DLG2: variants seen among roughly 807,000 people sequenced by gnomAD.
DLG2 encodes the protein discs large MAGUK scaffold protein 2, also known as disks large homolog 2.
In DLG2, 45 loss-of-function variants were observed where a neutral mutation model predicts 132.5. The ratio of observed to expected loss-of-function variants is 0.34; its 90% CI spans 0.27 to 0.44. The LOEUF is 0.44. Ranked by LOEUF, DLG2 falls within the 20% of genes least tolerant of loss-of-function variation. DLG2 has a pLI of 1.00. For synonymous variants in DLG2, 424 were observed against 419.6 expected (o/e 1.01, Z -0.13); for missense variants, 1,045 against 1,196.9 (o/e 0.87, Z 1.87).
At chr11:84,659,933 C>G (rs1280121707) in intron 6 of DLG2, among the ~76,000 whole-genome samples, 3 of 152,100 alleles carry the variant, frequency 2.0e-5, no homozygotes, top group Non-Finnish European at 4.4e-5. Context: ...GAAGAGGTGC[C>G]AAACATGGGG....
intron 6 of DLG2, among the ~76,000 whole-genome samples, chr11:84,928,990 A>G (rs866459838): frequency 0.19 from 15,015 of 79,464 alleles, 1,226 homozygotes; most frequent in East Asian, 0.33. Flanking sequence ...GTGTATATAT[A>G]TATATATATA....
In DLG2 at chr11:84,777,281, GTATATATATATATATATATA is replaced by G. The variant is rs71036441; in HGVS notation, c.358-242570_358-242551del. Among the ~76,000 whole-genome samples, 79 of 95,016 alleles carry G rather than the reference GTATATATATATATATATATA, an allele frequency of 8.3e-4. 2 individuals are homozygous for G. Among genetic ancestry groups the G allele is most frequent in the South Asian group, 2.9e-3 (7 of 2,388 alleles). The allele number at this position is 95,016 out of a possible 152,430, so 62.3% of individuals were successfully genotyped here. On this transcript the variant is annotated intron_variant, in intron 6 of 27. Coordinates refer to ENST00000376104, the MANE Select transcript of DLG2 (RefSeq NM_001142699.3). ...TGTGTGTGTATGTATATGTGTGTGTGTATATATATATATATATATATATATATATATATATATATATATAC... is the reference window on the plus strand; with the variant it reads ...TGTGTGTGTATGTATATGTGTGTGTGTATATATATATATATATATATATAC...
At chr11:85,368,896 A>G (rs2084758089) in intron 3 of DLG2, among the ~76,000 whole-genome samples, 1 of 152,182 alleles carries the variant, frequency 6.6e-6, no homozygotes, top group Non-Finnish European at 1.5e-5. Context: ...TCCTGTGTGG[A>G]GCCTGGGATT....
chr11:84,146,589 A>G (rs2095092690), intron 9 of DLG2, among the ~76,000 whole-genome samples: 1 of 152,184 alleles, frequency 6.6e-6, no homozygotes, highest in Admixed American at 6.6e-5. Context: ...TTGCATGAAG[A>G]ATCTATGCAA....
chr11:84,886,819 A>C (rs959242285), intron 6 of DLG2, among the ~76,000 whole-genome samples: 2 of 152,178 alleles, frequency 1.3e-5, no homozygotes, highest in Non-Finnish European at 1.5e-5. Context: ...TCAAATTTTC[A>C]ATGCAAAAGA....
chr11:84,763,126 T>A lies in DLG2; in HGVS notation c.358-228395A>T, dbSNP rs59225831. 7.8e-3 allele frequency among the ~76,000 whole-genome samples: 1,189 copies of A among 152,328 alleles called. 18 individuals carry two copies. Among genetic ancestry groups the A allele is most frequent in the African/African-American group, 0.026 (1,082 of 41,578 alleles). On this transcript the variant is annotated intron_variant, in intron 6 of 27. Transcript: ENST00000376104. ...ACTTTCAGGACAGAGTCCGTATCTGTCTATTCACTGCCACATTTCCACACT... is the reference window on the plus strand; with the variant it reads ...ACTTTCAGGACAGAGTCCGTATCTGACTATTCACTGCCACATTTCCACACT...
chr11:84,807,295 A>G (rs1440526272), intron 6 of DLG2, among the ~76,000 whole-genome samples: 1 of 152,026 alleles, frequency 6.6e-6, no homozygotes, highest in Non-Finnish European at 1.5e-5. Context: ...AAAATACAAA[A>G]ATTAGTCAGG....
chr11:84,083,431 C>G, intron 10 of DLG2, among the ~76,000 whole-genome samples: 1 of 152,288 alleles, frequency 6.6e-6, no homozygotes, highest in Middle Eastern at 3.4e-3. Flanking sequence ...AAGAACTCTA[C>G]CAGTCACAGT....
intron 11 of DLG2, among the ~76,000 whole-genome samples, chr11:83,986,393 C>A (rs7107725): frequency 0.67 from 101,816 of 151,050 alleles, 35,823 homozygotes; most frequent in Non-Finnish European, 0.79. Context: ...AAGAACTCAT[C>A]ATTTTTTATG....
chr11:83,475,328 C>T (rs748420556), intron 22 of DLG2, among the ~76,000 whole-genome samples: 10 of 152,060 alleles, frequency 6.6e-5, no homozygotes, highest in African/African-American at 1.2e-4. Flanking sequence ...TGGCACTTTG[C>T]GGGCCTTGAG....
intron 3 of DLG2, among the ~76,000 whole-genome samples, chr11:85,395,402 G>A (rs902090073): frequency 2.0e-5 from 3 of 152,166 alleles, no homozygotes; most frequent in African/African-American, 7.2e-5. Context: ...ATTGGGACTG[G>A]TTGGACAGTG....
At chr11:84,787,761 C>A (rs1034440798) in intron 6 of DLG2, among the ~76,000 whole-genome samples, 2 of 152,006 alleles carry the variant, frequency 1.3e-5, no homozygotes, top group African/African-American at 4.8e-5. Context: ...TGCAGAACAT[C>A]CATTAAACTA....
chr11:84,789,175 A>C (rs960614025), intron 6 of DLG2, among the ~76,000 whole-genome samples: 8 of 152,168 alleles, frequency 5.3e-5, no homozygotes, highest in African/African-American at 1.7e-4. Flanking sequence ...ATGATTGGAT[A>C]GCATGTTCTG....
intron 11 of DLG2, among the ~76,000 whole-genome samples, chr11:83,994,502 T>G (rs1402133956): frequency 6.6e-6 from 1 of 152,192 alleles, no homozygotes; most frequent in Non-Finnish European, 1.5e-5. Flanking sequence ...CCCAAGTAGC[T>G]GGGACTATAG....
chr11:84,769,642 T>G (rs1325494952), intron 6 of DLG2, among the ~76,000 whole-genome samples: 1 of 152,112 alleles, frequency 6.6e-6, no homozygotes, highest in African/African-American at 2.4e-5. Context: ...ACCTGTAAGA[T>G]ACTATACAAA....
At chr11:83,935,420 C>T (rs1053453359) in intron 14 of DLG2, among the ~76,000 whole-genome samples, 2 of 152,230 alleles carry the variant, frequency 1.3e-5, no homozygotes, top group African/African-American at 2.4e-5. Context: ...AACTATGTGG[C>T]TCAACATGTG....
At chr11:84,139,987 T>A (rs2094772257) in intron 9 of DLG2, among the ~76,000 whole-genome samples, 1 of 152,172 alleles carries the variant, frequency 6.6e-6, no homozygotes, top group Non-Finnish European at 1.5e-5. Flanking sequence ...CAATTTTTTA[T>A]AAGAGAACTA....
In DLG2 at chr11:84,848,034, A is replaced by G. The variant is rs145535469; in HGVS notation, c.357+263627T>C. Among the ~76,000 whole-genome samples the G allele has an allele frequency of 2.3e-4, 35 of 152,254 alleles. No individual in the cohort carries two copies. In the East Asian group the frequency reaches 6.6e-3, roughly 29 times the overall value. ...TGTAAACATTGGTCATTTTTTATGG[A>G]AAAGTGAAAATGAGTCAGAGGATGG... is the stretch of plus-strand genomic sequence containing the variant. On this transcript the variant is annotated intron_variant, in intron 6 of 27. Transcript: ENST00000376104.
At chr11:83,700,704 T>C (rs2082774216) in intron 18 of DLG2, among the ~76,000 whole-genome samples, 1 of 151,314 alleles carries the variant, frequency 6.6e-6, no homozygotes, top group Non-Finnish European at 1.5e-5. Flanking sequence ...TCTTGCGGGA[T>C]TAATTGAAAA....
Sources: gnomAD v4.1 joint callset for allele counts (sites outside exome capture counted in the v4.1 genomes callset) on GRCh38, gnomAD v4.1.1 for gene constraint, MANE v1.5 for transcripts, NCBI Gene and HGNC (gene_info 2026-07-23, HGNC 2026-07-21) for gene names.